Variants in PIK3R3 observed in about 807,000 individuals in gnomAD.
PIK3R3 encodes phosphatidylinositol 3-kinase regulatory subunit gamma.
A neutral mutation model predicts 62.9 loss-of-function variants in PIK3R3; 64 were observed. The observed-to-expected ratio is 1.02, with a 90% CI of 0.83 to 1.25. The LOEUF (loss-of-function observed/expected upper bound fraction) is 1.25. Ranked by LOEUF, PIK3R3 falls within the 50% of genes most tolerant of loss-of-function variation. The probability of loss-of-function intolerance (pLI) is 0.00; values close to 1 mark genes in which losing one functional copy is unlikely to be tolerated. For missense variants in PIK3R3, 614 were observed against 561.6 expected, an observed-to-expected ratio of 1.09 and a Z score of -0.94; for synonymous variants, 165 against 189.0, an observed-to-expected ratio of 0.87 and a Z score of 1.04.
intron 5 of PIK3R3, among the ~76,000 whole-genome samples, chr1:46,063,910 C>T (rs988387258): frequency 2.0e-5 from 3 of 152,210 alleles, no homozygotes; most frequent in Non-Finnish European, 4.4e-5. Context: ...CACAGATAAG[C>T]TTCTTAAAGA....
chr1:46,080,549 C>A lies in PIK3R3; in HGVS notation c.215+93G>T, dbSNP rs529855438. 9.3e-4 allele frequency: 775 copies of A among 829,342 alleles called. 13 individuals carry two copies. In the Admixed American group the frequency reaches 0.014, roughly 15 times the overall value. The allele number at this position is 829,342 out of a possible 1,614,324, so 51.4% of individuals were successfully genotyped here. On this transcript the variant is annotated intron_variant, in intron 2 of 9. Transcript: ENST00000262741. ...TTGCTGGGATTATAGGCATGAGCCA[C>A]CATGCCCAGCTTAAAATGGTTTACT...
At chr1:46,055,421 TCCCCTCAGAGGAAATAGAAATTCC>T (rs1647794437) in intron 7 of PIK3R3, among the ~76,000 whole-genome samples, 1 of 152,144 alleles carries the variant, frequency 6.6e-6, no homozygotes, top group South Asian at 2.1e-4. Flanking sequence ...AGAACCTACT[TCCCCTCAGAGGAAATAGAAATTCC>T]CCACTCAGTT....
intron 3 of PIK3R3, among the ~76,000 whole-genome samples, chr1:46,072,680 G>A (rs938715099): frequency 6.6e-6 from 1 of 152,174 alleles, no homozygotes; most frequent in Non-Finnish European, 1.5e-5. Flanking sequence ...GCTGGGCATG[G>A]TGGCTCATGC....
chr1:46,146,700 C>T, the PIK3R3 span, among the ~76,000 whole-genome samples: 16 of 36,616 alleles, frequency 4.4e-4, no homozygotes, highest in African/African-American at 1.4e-3. Flanking sequence ...CACACACACA[C>T]ACACACACAC....
chr1:46,043,855 T>C lies in PIK3R3; in HGVS notation c.1204A>G (p.Lys402Glu). The C allele has an allele frequency of 6.2e-7, 1 of 1,613,644 alleles. No individual in the cohort carries two copies. Among genetic ancestry groups the C allele is most frequent in the Non-Finnish European group, 8.5e-7 (1 of 1,179,736 alleles). ...GCAGTGCTGTAGATCACACAGTGCTTCACTTCCCCATCGGCCCTGCAATGA... is the reference window on the plus strand; with the variant it reads ...GCAGTGCTGTAGATCACACAGTGCTCCACTTCCCCATCGGCCCTGCAATGA... ...ACSVVADGEVKHCVIYSTARG... is the reference protein window; with the variant it reads ...ACSVVADGEVEHCVIYSTARG... Residue 402 changes from lysine to glutamate, a missense_variant, in exon 10 of 10, where the codon AAG becomes GAG. By Grantham distance (56) the Lys-to-Glu change is moderately conservative (BLOSUM62 1). Coordinates refer to ENST00000262741, the MANE Select transcript of PIK3R3 (RefSeq NM_003629.4).
chr1:46,146,823 A>G, the PIK3R3 span, among the ~76,000 whole-genome samples: 1 of 151,822 alleles, frequency 6.6e-6, no homozygotes, highest in Non-Finnish European at 1.5e-5. Context: ...ATGATCTGCC[A>G]TGGACCACAC....
At chr1:46,116,021 A>G (rs545230113) in intron 1 of PIK3R3, among the ~76,000 whole-genome samples, 1 of 152,344 alleles carries the variant, frequency 6.6e-6, no homozygotes, top group Admixed American at 6.5e-5. Flanking sequence ...AAAGTTTGGG[A>G]TTAACCATGC....
chr1:46,068,928 C>A (rs1649252086), intron 3 of PIK3R3, among the ~76,000 whole-genome samples: 1 of 152,084 alleles, frequency 6.6e-6, no homozygotes, highest in Admixed American at 6.5e-5. Flanking sequence ...ACTCTAGCTG[C>A]TGAGTTGAGA....
At chr1:46,110,275 C>CTTTTTT (rs35873858) in intron 1 of PIK3R3, among the ~76,000 whole-genome samples, 2 of 71,314 alleles carry the variant, frequency 2.8e-5, no homozygotes, top group Non-Finnish European at 5.4e-5. Flanking sequence ...CCAGGCTTGG[C>CTTTTTT]TTTTTTTTTT....
chr1:46,174,602 C>T, the PIK3R3 span, among the ~76,000 whole-genome samples: 1 of 152,064 alleles, frequency 6.6e-6, no homozygotes, highest in Non-Finnish European at 1.5e-5. Context: ...ACGTATTAGC[C>T]CATGCATGAT....
chr1:46,131,816 A>C lies in PIK3R3; in HGVS notation c.106+31T>G, dbSNP rs547593897. ...TTGGTAAATACAAATCAGACCCATC[A>C]CGAGATTCTTTTTTTTTTTCTCCCA... On this transcript the variant is annotated intron_variant, in intron 1 of 9. Coordinates refer to ENST00000262741, the MANE Select transcript of PIK3R3 (RefSeq NM_003629.4). 2.5e-6 allele frequency: 4 copies of C among 1,594,142 alleles called. No individual in the cohort carries two copies. The African/African-American group carries it at 5.4e-5, about 21-fold the overall frequency.
intron 3 of PIK3R3, among the ~76,000 whole-genome samples, chr1:46,074,910 G>C (rs1307763246): frequency 6.6e-6 from 1 of 152,162 alleles, no homozygotes; most frequent in African/African-American, 2.4e-5. Flanking sequence ...GAGAGTATGT[G>C]TTTGATTTTG....
At position 46,120,907 on chromosome 1, in the gene PIK3R3, G is replaced by GA. The variant is rs200984406; in HGVS notation, c.106+10939dup. Among the ~76,000 whole-genome samples, 1,010 of 152,260 alleles carry GA rather than the reference G, an allele frequency of 6.6e-3. 14 individuals are homozygous for GA. The highest frequency in any genetic ancestry group is 0.023 in the African/African-American group (964 of 41,540). ...AAGAAGTTTGCTAGAGGTTTTTGTA[G>GA]AAAGTTTCCTCTATCCAAAAACAGT... On this transcript the variant is annotated intron_variant, in intron 1 of 9. Transcript: ENST00000262741.
At chr1:46,064,522 CAG>C in intron 5 of PIK3R3, among the ~76,000 whole-genome samples, 1 of 152,152 alleles carries the variant, frequency 6.6e-6, no homozygotes, top group Middle Eastern at 3.4e-3. Flanking sequence ...GCCTGGGCGA[CAG>C]AGCAAGATTC....
the PIK3R3 span, among the ~76,000 whole-genome samples, chr1:46,160,094 C>T: frequency 4.6e-5 from 7 of 152,204 alleles, no homozygotes; most frequent in Non-Finnish European, 1.0e-4. Flanking sequence ...GTTGGTTCAT[C>T]AGATTAGGTT....
chr1:46,107,531 G>A (rs1220200795), intron 1 of PIK3R3, among the ~76,000 whole-genome samples: 2 of 152,048 alleles, frequency 1.3e-5, no homozygotes, highest in African/African-American at 4.8e-5. Context: ...CTCCAGCCTG[G>A]GTGACAGAGC....
At chr1:46,128,579 A>C (rs577082020) in intron 1 of PIK3R3, among the ~76,000 whole-genome samples, 1 of 152,382 alleles carries the variant, frequency 6.6e-6, no homozygotes, top group Non-Finnish European at 1.5e-5. Flanking sequence ...CAAGGACCTT[A>C]AGTAGAAAGG....
intron 1 of PIK3R3, among the ~76,000 whole-genome samples, chr1:46,126,446 G>A (rs1483824411): frequency 6.6e-6 from 1 of 151,648 alleles, no homozygotes; most frequent in Non-Finnish European, 1.5e-5. Flanking sequence ...GCTGAGGCAG[G>A]AGAATTGCAT....
intron 6 of PIK3R3, among the ~76,000 whole-genome samples, chr1:46,059,198 T>TTC (rs1648234461): frequency 6.6e-6 from 1 of 152,236 alleles, no homozygotes; most frequent in Non-Finnish European, 1.5e-5. Context: ...ATTGTGAGGC[T>TTC]TCCCTAGTCA....
Sources: allele counts gnomAD v4.1 joint callset (sites outside exome capture counted in the v4.1 genomes callset), GRCh38; gene constraint gnomAD v4.1.1; transcripts MANE v1.5; gene names NCBI Gene and HGNC (gene_info 2026-07-23, HGNC 2026-07-21).